The following AFF3 variants were observed in gnomAD, a reference collection of about 807,000 sequenced individuals.
The protein encoded by AFF3 is AF4/FMR2 family member 3.
A neutral mutation model predicts 129.7 loss-of-function variants in AFF3; 32 were observed. The ratio of observed to expected loss-of-function variants is 0.25; its 90% confidence interval spans 0.19 to 0.33. The LOEUF (loss-of-function observed/expected upper bound fraction) is 0.33. Ranked by LOEUF, AFF3 falls within the 10% of genes least tolerant of loss-of-function variation. The pLI is 1.00. For synonymous variants in AFF3, 644 were observed against 635.4 expected (o/e 1.01, Z -0.20); for missense variants, 1,373 against 1,592.0 (o/e 0.86, Z 2.34).
chr2:99,918,976 C>T (rs1241795862), intron 7 of AFF3, among the ~76,000 whole-genome samples: 27 of 152,264 alleles, frequency 1.8e-4, no homozygotes, highest in Non-Finnish European at 2.8e-4. Context: ...GAATGAAATG[C>T]CTGGCTATCC....
intron 1 of AFF3, among the ~76,000 whole-genome samples, chr2:100,140,525 A>C (rs1340478069): frequency 6.6e-6 from 1 of 152,084 alleles, no homozygotes; most frequent in South Asian, 2.1e-4. Flanking sequence ...CCTGCTCTGC[A>C]CTCTTAGGCT....
At chr2:99,693,225 G>C (rs1474568866) in intron 11 of AFF3, among the ~76,000 whole-genome samples, 1 of 152,164 alleles carries the variant, frequency 6.6e-6, no homozygotes, top group Non-Finnish European at 1.5e-5. Context: ...TTATAAACTG[G>C]AATCAAAGTC....
At chr2:99,725,573 G>A (rs1679301247) in intron 11 of AFF3, among the ~76,000 whole-genome samples, 2 of 152,134 alleles carry the variant, frequency 1.3e-5, no homozygotes, top group South Asian at 4.2e-4. Context: ...CAAGTGATCT[G>A]CCTGCCTCGG....
chr2:99,821,636 C>G (rs1277616121), intron 8 of AFF3, among the ~76,000 whole-genome samples: 1 of 152,192 alleles, frequency 6.6e-6, no homozygotes, highest in Non-Finnish European at 1.5e-5. Context: ...ACCAGTGACA[C>G]AATCGCTCCT....
chr2:99,673,694 G>A (rs1325616678), intron 11 of AFF3, among the ~76,000 whole-genome samples: 1 of 152,138 alleles, frequency 6.6e-6, no homozygotes, highest in Non-Finnish European at 1.5e-5. Context: ...GCTTCCAAAG[G>A]CTGTCCCCTA....
intron 7 of AFF3, among the ~76,000 whole-genome samples, chr2:99,903,672 T>C (rs978066081): frequency 2.0e-5 from 3 of 152,190 alleles, no homozygotes; most frequent in African/African-American, 4.8e-5. Context: ...ATTTCTGTTA[T>C]AGTTTGAAAT....
intron 7 of AFF3, among the ~76,000 whole-genome samples, chr2:99,990,374 CAG>C: frequency 6.6e-6 from 1 of 152,212 alleles, no homozygotes; most frequent in Non-Finnish European, 1.5e-5. Flanking sequence ...ACAATGTGAA[CAG>C]AGTGAACACG....
intron 7 of AFF3, among the ~76,000 whole-genome samples, chr2:99,988,480 C>A (rs2104565745): frequency 6.6e-6 from 1 of 152,246 alleles, no homozygotes; most frequent in Admixed American, 6.5e-5. Flanking sequence ...GTATGCCGGA[C>A]CCACAACTCC....
At chr2:99,827,184 T>C (rs1688156204) in intron 8 of AFF3, among the ~76,000 whole-genome samples, 1 of 152,146 alleles carries the variant, frequency 6.6e-6, no homozygotes, top group East Asian at 1.9e-4. Flanking sequence ...AGAGCTGTGT[T>C]TGAGACACAC....
At chr2:99,974,511 A>G (rs1678690620) in intron 7 of AFF3, among the ~76,000 whole-genome samples, 1 of 152,214 alleles carries the variant, frequency 6.6e-6, no homozygotes, top group Non-Finnish European at 1.5e-5. Flanking sequence ...GCACACCACT[A>G]AAAGCATGAG....
At chr2:100,141,794 T>A (rs145993453) in intron 1 of AFF3, among the ~76,000 whole-genome samples, 1 of 152,312 alleles carries the variant, frequency 6.6e-6, no homozygotes, top group Non-Finnish European at 1.5e-5. Context: ...TGTGTACATA[T>A]ATATACACAC....
At chr2:99,691,820 C>G (rs977877684) in intron 11 of AFF3, among the ~76,000 whole-genome samples, 6 of 152,102 alleles carry the variant, frequency 3.9e-5, no homozygotes, top group Non-Finnish European at 8.8e-5. Context: ...AGGATTAGGT[C>G]AGGAGGAAGA....
At chr2:100,139,946 G>T (rs889323011) in intron 1 of AFF3, among the ~76,000 whole-genome samples, 2 of 152,168 alleles carry the variant, frequency 1.3e-5, no homozygotes, top group African/African-American at 4.8e-5. Flanking sequence ...ACAAATTATG[G>T]AACATCAGCT....
intron 13 of AFF3, among the ~76,000 whole-genome samples, chr2:99,645,511 A>G (rs954792535): frequency 6.6e-6 from 1 of 152,130 alleles, no homozygotes; most frequent in African/African-American, 2.4e-5. Context: ...AACAGACAAC[A>G]CACCATCCCA....
intron 8 of AFF3, among the ~76,000 whole-genome samples, chr2:99,832,112 C>T (rs552746116): frequency 1.4e-3 from 213 of 152,332 alleles, no homozygotes; most frequent in Non-Finnish European, 2.4e-3. Context: ...TATTGACAAA[C>T]GCCCCGTGAA....
chr2:99,713,554 A>C (rs1386561807), intron 11 of AFF3, among the ~76,000 whole-genome samples: 1 of 152,100 alleles, frequency 6.6e-6, no homozygotes, highest in African/African-American at 2.4e-5. Flanking sequence ...GACAATTAAA[A>C]TTTTAAAAAA....
chr2:99,780,131 C>T (rs990503337), intron 8 of AFF3, among the ~76,000 whole-genome samples: 1 of 152,146 alleles, frequency 6.6e-6, no homozygotes, highest in African/African-American at 2.4e-5. Flanking sequence ...AAACACTCTC[C>T]CTTGACCTCA....
chr2:99,639,486 G>C (rs1683983676), intron 13 of AFF3, among the ~76,000 whole-genome samples: 1 of 152,188 alleles, frequency 6.6e-6, no homozygotes, highest in African/African-American at 2.4e-5. Flanking sequence ...TGGAGACTCA[G>C]TTGGCACTTA....
chr2:99,958,309 A>T (rs1328920281), intron 7 of AFF3, among the ~76,000 whole-genome samples: 1 of 152,108 alleles, frequency 6.6e-6, no homozygotes, highest in African/African-American at 2.4e-5. Context: ...CCTGGCCAAC[A>T]TGATGAAACC....
Sources: allele counts gnomAD v4.1 joint callset (sites outside exome capture counted in the v4.1 genomes callset), GRCh38; gene constraint gnomAD v4.1.1; transcripts MANE v1.5; gene names NCBI Gene and HGNC (gene_info 2026-07-23, HGNC 2026-07-21).